The following UNC13C variants were observed in gnomAD, a reference collection of about 807,000 sequenced individuals.
UNC13C encodes protein unc-13 homolog C.
In UNC13C, 174 loss-of-function variants were observed where a neutral mutation model predicts 245.4. That is an observed-to-expected ratio of 0.71 (90% CI 0.63 to 0.80). The LOEUF is 0.80. Among genes scored for constraint, UNC13C ranks in the 30% least tolerant of loss-of-function variants. The pLI, the probability that UNC13C is intolerant of heterozygous loss-of-function variation, is 0.00. For missense variants in UNC13C, 2,829 were observed against 2,602.9 expected (o/e 1.09, Z -1.89); for synonymous variants, 992 against 895.1 (o/e 1.11, Z -1.93).
intron 2 of UNC13C, among the ~76,000 whole-genome samples, chr15:54,091,668 C>T (rs2141137189): frequency 6.6e-6 from 1 of 152,052 alleles, no homozygotes; most frequent in South Asian, 2.1e-4. Flanking sequence ...CAGGATATTG[C>T]TAGTATATAA....
chr15:54,282,299 A>G (rs185649657), intron 10 of UNC13C, among the ~76,000 whole-genome samples: 82 of 152,268 alleles, frequency 5.4e-4, no homozygotes, highest in African/African-American at 1.8e-3. Context: ...CATCAATTCA[A>G]TATGTATATA....
In UNC13C at chr15:54,511,739, T is replaced by C. The variant is rs774593115; in HGVS notation, c.5380-14T>C. On this transcript the variant is annotated splice_polypyrimidine_tract_variant and intron_variant, in intron 23 of 32. Transcript: ENST00000260323. Reference sequence around the variant, plus strand: ...AAAGATTGCTCATAATAGTCTTTTTTTCTATATTTAAAGCCCTGTATCTTG... The same window carrying C: ...AAAGATTGCTCATAATAGTCTTTTTCTCTATATTTAAAGCCCTGTATCTTG... 3.3e-5 allele frequency: 52 copies of C among 1,573,474 alleles called. 1 individual carries two copies. Among genetic ancestry groups the C allele is most frequent in the Non-Finnish European group, 3.0e-5 (35 of 1,157,264 alleles).
intron 4 of UNC13C, among the ~76,000 whole-genome samples, chr15:54,186,273 C>A (rs1294727377): frequency 6.6e-6 from 1 of 152,138 alleles, no homozygotes; most frequent in Admixed American, 6.6e-5. Context: ...TCTTCTCCTG[C>A]CTGATTTCCC....
At chr15:54,308,310 T>A (rs900001517) in intron 13 of UNC13C, among the ~76,000 whole-genome samples, 4 of 151,938 alleles carry the variant, frequency 2.6e-5, no homozygotes, top group African/African-American at 9.7e-5. Context: ...GGTTAATAAC[T>A]TTGTAGCAGT....
the UNC13C span, among the ~76,000 whole-genome samples, chr15:53,954,253 G>A: frequency 6.6e-6 from 1 of 152,142 alleles, no homozygotes; most frequent in South Asian, 2.1e-4. Flanking sequence ...CATATCTATA[G>A]TGACACAATG....
At chr15:54,284,720 G>A (rs993599998) in intron 10 of UNC13C, among the ~76,000 whole-genome samples, 16 of 151,964 alleles carry the variant, frequency 1.1e-4, no homozygotes, top group Admixed American at 3.9e-4. Context: ...CTCTCTTTTC[G>A]TAGCAAAATG....
rs375233972 is a variant in UNC13C at position 54,465,241 on chromosome 15, G to C, written c.4934-29367G>C. Among the ~76,000 whole-genome samples, 8 of 152,078 alleles carry C rather than the reference G, an allele frequency of 5.3e-5. 1 individual carries two copies. Among genetic ancestry groups the C allele is most frequent in the East Asian group, 1.9e-4 (1 of 5,182 alleles). On this transcript the variant is annotated intron_variant, in intron 19 of 32. Coordinates refer to ENST00000260323, the MANE Select transcript of UNC13C (RefSeq NM_001080534.3). The stretch of plus-strand genomic sequence containing the variant: ...TAGTGTATGATTCCACTTATCTTCA[G>C]TTTACCCTAATACAGTCAATCGATC...
At chr15:53,985,496 C>A (rs969345519) in intron 1 of UNC13C, among the ~76,000 whole-genome samples, 1 of 151,756 alleles carries the variant, frequency 6.6e-6, no homozygotes, top group East Asian at 1.9e-4. Context: ...TATACATGAA[C>A]TGTCTACCAC....
chr15:54,494,669 A>G lies in UNC13C; in HGVS notation c.4995A>G (p.Lys1665=). Reference sequence around the variant, plus strand: ...ATATGAATTTGCATTTCAAAGTTAAATGGTTTTATAATGAATATGTGCGTG... The same window carrying G: ...ATATGAATTTGCATTTCAAAGTTAAGTGGTTTTATAATGAATATGTGCGTG... ...TDYMNLHFKV[K]WFYNEYVREL... The change falls in exon 20 of 33, where the codon AAA becomes AAG. Residue 1665 remains lysine, a synonymous_variant. Transcript: ENST00000260323. 6.2e-7 allele frequency: 1 copy of G among 1,611,542 alleles called. No homozygotes were observed. The highest frequency in any genetic ancestry group is 8.5e-7 in the Non-Finnish European group (1 of 1,178,692).
intron 26 of UNC13C, among the ~76,000 whole-genome samples, chr15:54,539,294 T>C (rs931340260): frequency 1.3e-5 from 2 of 152,072 alleles, no homozygotes; most frequent in African/African-American, 4.8e-5. Context: ...TGGGGAAATA[T>C]CTAGAAGATA....
chr15:54,327,334 G>C (rs192035347), intron 14 of UNC13C, among the ~76,000 whole-genome samples: 104 of 151,292 alleles, frequency 6.9e-4, no homozygotes, highest in African/African-American at 2.4e-3. Context: ...CACATTTTTG[G>C]CTGCATTTTC....
chr15:54,587,764 T>G (rs770056102), intron 30 of UNC13C, among the ~76,000 whole-genome samples: 45 of 152,002 alleles, frequency 3.0e-4, no homozygotes, highest in Non-Finnish European at 5.7e-4. Flanking sequence ...ACCTTGTGCA[T>G]CTCCTCTCTA....
chr15:54,342,773 T>C lies in UNC13C; in HGVS notation c.4713+4284T>C, dbSNP rs190436619. 4.0e-3 allele frequency among the ~76,000 whole-genome samples: 601 copies of C among 149,112 alleles called. 26 individuals carry two copies. The East Asian group carries it at 0.11, about 26-fold the overall frequency. Reference sequence around the variant, plus strand: ...TATAGTATATTTCTGGGGTCACTGTTTTTTGTTTTTGTTTTTGTTTTTTTT... The same window carrying C: ...TATAGTATATTTCTGGGGTCACTGTCTTTTGTTTTTGTTTTTGTTTTTTTT... On this transcript the variant is annotated intron_variant, in intron 17 of 32. Coordinates refer to ENST00000260323, the MANE Select transcript of UNC13C (RefSeq NM_001080534.3).
rs922938954 is a variant in UNC13C, at chr15:54,300,104, C to T, written c.4105-106C>T. ...CTATTGCTTGCAGATGCTGATGAAA[C>T]ATTAGAGGCAATGACAGTGCAAGAG... On this transcript the variant is annotated intron_variant, in intron 12 of 32. Transcript: ENST00000260323. 4.0e-5 allele frequency: 39 copies of T among 978,588 alleles called. No individual in the cohort carries two copies. The East Asian group carries it at 9.9e-4, about 25-fold the overall frequency. The allele number at this position is 978,588 out of a possible 1,614,324, so 60.6% of individuals were successfully genotyped here.
intron 10 of UNC13C, among the ~76,000 whole-genome samples, chr15:54,280,951 C>T (rs929874302): frequency 1.3e-5 from 2 of 151,842 alleles, no homozygotes; most frequent in Admixed American, 6.6e-5. Context: ...GCATGTGCCA[C>T]GATGCTCGGG....
the UNC13C span, among the ~76,000 whole-genome samples, chr15:53,838,994 T>C: frequency 6.6e-6 from 1 of 152,122 alleles, no homozygotes; most frequent in Admixed American, 6.6e-5. Context: ...ACTGGTGTAG[T>C]TATTCAAAAT....
At chr15:53,914,401 G>A in the UNC13C span, 1 of 152,230 alleles carries the variant, frequency 6.6e-6, no homozygotes, top group African/African-American at 2.4e-5. Flanking sequence ...TGGCTCTTGG[G>A]GCTCGGCTCA....
chr15:54,551,197 GC>G (rs1896721327), intron 28 of UNC13C, among the ~76,000 whole-genome samples: 1 of 152,062 alleles, frequency 6.6e-6, no homozygotes, highest in Non-Finnish European at 1.5e-5. Flanking sequence ...TTGATACGTT[GC>G]CATAACAGAC....
At chr15:54,485,077 G>GA (rs921412942) in intron 19 of UNC13C, among the ~76,000 whole-genome samples, 64 of 149,372 alleles carry the variant, frequency 4.3e-4, no homozygotes, top group South Asian at 8.5e-4. Context: ...TTTTAATACA[G>GA]AAAAAAAAAT....
Sources: gnomAD v4.1 joint callset for allele counts (sites outside exome capture counted in the v4.1 genomes callset) on GRCh38, gnomAD v4.1.1 for gene constraint, MANE v1.5 for transcripts, NCBI Gene and HGNC (gene_info 2026-07-23, HGNC 2026-07-21) for gene names.